NEURL1: variants seen among roughly 807,000 people sequenced by gnomAD.
NEURL1 encodes the protein neuralized E3 ubiquitin protein ligase 1.
In NEURL1, 26 loss-of-function variants were observed where a neutral mutation model predicts 41.2. The ratio of observed to expected loss-of-function variants is 0.63; its 90% CI spans 0.46 to 0.87. The LOEUF (loss-of-function observed/expected upper bound fraction) is 0.87, where lower values mean the gene tolerates loss of function less well. NEURL1 is among the 40% of genes least tolerant of loss of function. The pLI is 0.00. For missense variants in NEURL1, 761 were observed against 871.1 expected (o/e 0.87, Z 1.59); for synonymous variants, 400 against 402.3 (o/e 0.99, Z 0.07).
At chr10:103,557,148 C>A (rs959921675) in intron 1 of NEURL1, among the ~76,000 whole-genome samples, 8 of 152,284 alleles carry the variant, frequency 5.3e-5, no homozygotes, top group South Asian at 4.1e-4. Context: ...GCTGTGCAGG[C>A]CAGGCCCGAT....
At chr10:103,526,994 A>C (rs1233956231) in intron 1 of NEURL1, among the ~76,000 whole-genome samples, 1 of 151,950 alleles carries the variant, frequency 6.6e-6, no homozygotes, top group East Asian at 1.9e-4. Context: ...TGGCTACTGC[A>C]TAGACAGAGC....
At chr10:103,571,353 C>T (rs1041936008) in intron 2 of NEURL1, 148 bp from the exon 3 acceptor site, 13 of 991,800 alleles carry the variant, frequency 1.3e-5, no homozygotes, top group Admixed American at 5.6e-5. Flanking sequence ...GCTGTCTTCC[C>T]AGCAGGGAGG....
chr10:103,571,728 G>A lies in NEURL1; in HGVS notation c.555G>A (p.Ser185=), dbSNP rs185565755. ...KGRVFHRIND[S]AVMLFFSGVR... ...GTGTCTTCCACCGCATCAACGACTC[G>A]GCTGTTATGCTGTTCTTCAGCGGGG... is the stretch of plus-strand genomic sequence containing the variant. Residue 185 remains serine, a synonymous_variant, in exon 3 of 6, where the codon TCG becomes TCA. Coordinates refer to ENST00000369780, the MANE Select transcript of NEURL1 (RefSeq NM_004210.5). 137 of 1,614,204 alleles carry A rather than the reference G, an allele frequency of 8.5e-5. No homozygotes were observed. In the African/African-American group the frequency reaches 1.6e-3, roughly 19 times the overall value.
intron 1 of NEURL1, among the ~76,000 whole-genome samples, chr10:103,549,516 T>A (rs1318544076): frequency 6.6e-6 from 1 of 152,250 alleles, no homozygotes; most frequent in Non-Finnish European, 1.5e-5. Context: ...AGCTTTCAGC[T>A]GGGGTTCCCT....
chr10:103,531,415 T>G (rs2034566920), intron 1 of NEURL1, among the ~76,000 whole-genome samples: 1 of 152,184 alleles, frequency 6.6e-6, no homozygotes, highest in African/African-American at 2.4e-5. Context: ...TTATTTTTTT[T>G]ATTTATTAGA....
At chr10:103,525,505 T>C (rs2034442724) in intron 1 of NEURL1, among the ~76,000 whole-genome samples, 1 of 151,746 alleles carries the variant, frequency 6.6e-6, no homozygotes, top group Non-Finnish European at 1.5e-5. Context: ...AGGTGTGCGC[T>C]ACAATGCTGG....
At chr10:103,586,717 A>C (rs766684354) in intron 4 of NEURL1, among the ~76,000 whole-genome samples, 16 of 152,202 alleles carry the variant, frequency 1.1e-4, no homozygotes, top group Non-Finnish European at 2.4e-4. Flanking sequence ...CACCTCTGCA[A>C]AGAGACCAAA....
At chr10:103,499,328 A>G (rs1344557906) in intron 1 of NEURL1, among the ~76,000 whole-genome samples, 1 of 152,122 alleles carries the variant, frequency 6.6e-6, no homozygotes, top group Non-Finnish European at 1.5e-5. Context: ...TCTGGGGATG[A>G]GAGCAGGGGC....
Position 103,558,503 on chromosome 10 carries a change from C to CTG in NEURL1, c.86-12325_86-12324dup, listed in dbSNP as rs3068767. ...GTGGTACTCTGTGCCTGTGCCATGCCTGTGTGTGTGTGTGTGTGTGTGTGT... is the reference window on the plus strand; with the variant it reads ...GTGGTACTCTGTGCCTGTGCCATGCCTGTGTGTGTGTGTGTGTGTGTGTGTGT... On this transcript the variant is annotated intron_variant, in intron 1 of 5. Transcript: ENST00000369780. The surrounding 1 kb of genome is among the most constrained non-coding windows in gnomAD (Gnocchi z 4.2). Among the ~76,000 whole-genome samples, 6,316 of 131,940 alleles carry CTG rather than the reference C, an allele frequency of 0.048. 193 individuals are homozygous for CTG. The highest frequency in any genetic ancestry group is 0.076 in the African/African-American group (2,615 of 34,198). 86.6% of individuals were successfully genotyped at this position (131,940 alleles called of 152,430 possible). A position where few individuals can be genotyped will look rare whatever the true frequency, so the allele number is the denominator to read the frequency against.
chr10:103,496,603 A>G (rs73330686), intron 1 of NEURL1, among the ~76,000 whole-genome samples: 3,794 of 152,316 alleles, frequency 0.025, 175 homozygotes, highest in African/African-American at 0.087. Context: ...GAAATAAGCT[A>G]TCAGTGTTAG....
Position 103,590,363 on chromosome 10 carries a change from C to A in NEURL1, c.1716C>A (p.Arg572=). Residue 572 remains arginine (R), a synonymous_variant, in exon 6 of 6, where the codon CGC becomes CGA. Coordinates refer to ENST00000369780, the MANE Select transcript of NEURL1 (RefSeq NM_004210.5). The stretch of plus-strand genomic sequence containing the variant: ...TCAAGGACATCATCAAGACCTACCG[C>A]AGCTCCTAGCCCGTTGCGGTGGCCC... The part of the protein sequence containing the change: ...RPIKDIIKTY[R]SS 1 of 1,613,634 alleles carries A rather than the reference C, an allele frequency of 6.2e-7. No individual in the cohort carries two copies. The highest frequency in any genetic ancestry group is 8.5e-7 in the Non-Finnish European group (1 of 1,179,642).
chr10:103,509,703 C>T (rs1228867416), intron 1 of NEURL1, among the ~76,000 whole-genome samples: 5 of 152,108 alleles, frequency 3.3e-5, no homozygotes, highest in Admixed American at 2.0e-4. Context: ...AGCTCCCTCC[C>T]CAAGATTCAG....
chr10:103,522,620 A>G lies in NEURL1; in HGVS notation c.85+28148A>G, dbSNP rs755388591. Among the ~76,000 whole-genome samples the G allele has an allele frequency of 9.6e-4, 145 of 151,822 alleles. 1 individual carries two copies. The highest frequency in any genetic ancestry group is 1.6e-3 in the Non-Finnish European group (112 of 67,922). On this transcript the variant is annotated intron_variant, in intron 1 of 5. Coordinates refer to ENST00000369780, the MANE Select transcript of NEURL1 (RefSeq NM_004210.5). The stretch of plus-strand genomic sequence containing the variant: ...TCCATTTCAAAAAAAAAAAAAAAAA[A>G]AAGAAGTCGTCTTTGTCTCATGCAA...
chr10:103,495,661 C>T (rs555673584), intron 1 of NEURL1, among the ~76,000 whole-genome samples: 2 of 152,230 alleles, frequency 1.3e-5, no homozygotes, highest in East Asian at 1.9e-4. Flanking sequence ...CTTTTAAGAC[C>T]AGGGAAGAGG....
In NEURL1 at chr10:103,556,013, C is replaced by G. The variant is rs2035146941; in HGVS notation, c.86-14859C>G. 6.6e-6 allele frequency among the ~76,000 whole-genome samples: 1 copy of G among 152,346 alleles called. No homozygotes were observed. The highest frequency in any genetic ancestry group is 1.5e-5 in the Non-Finnish European group (1 of 68,022). ...ACCTGTGCCGGCTTGTGCCTAAGCA[C>G]ACGGGTGTGCAAGTGACAGCACCCC... On this transcript the variant is annotated intron_variant, in intron 1 of 5. Transcript: ENST00000369780. The surrounding 1 kb of genome is among the most constrained non-coding windows in gnomAD (Gnocchi z 4.4).
chr10:103,538,936 C>T (rs549371775), intron 1 of NEURL1, among the ~76,000 whole-genome samples: 274 of 142,376 alleles, frequency 1.9e-3, no homozygotes, highest in African/African-American at 6.9e-3. Context: ...CATGAGCCAC[C>T]GCACCCGTTT....
At chr10:103,563,912 G>C (rs2133874013) in intron 1 of NEURL1, among the ~76,000 whole-genome samples, 1 of 152,290 alleles carries the variant, frequency 6.6e-6, no homozygotes, top group Middle Eastern at 3.4e-3. Context: ...AGTGGCATTG[G>C]GGGCATAAAT....
intron 1 of NEURL1, chr10:103,555,535 G>A: frequency 1.2e-6 from 1 of 829,096 alleles, no homozygotes. Context: ...TCCATGGAGG[G>A]GTCTGGGGCT....
intron 1 of NEURL1, among the ~76,000 whole-genome samples, chr10:103,506,648 C>A (rs1415773738): frequency 6.6e-6 from 1 of 151,860 alleles, no homozygotes; most frequent in Non-Finnish European, 1.5e-5. Flanking sequence ...CAGCCTCCAC[C>A]TCCCGGGTTC....
Sources: gnomAD v4.1 joint callset for allele counts (sites outside exome capture counted in the v4.1 genomes callset) on GRCh38, gnomAD v4.1.1 for gene constraint, Gnocchi (gnomAD v3.1) non-coding constraint, MANE v1.5 for transcripts, NCBI Gene and HGNC (gene_info 2026-07-23, HGNC 2026-07-21) for gene names.